Variants in AFAP1 observed in about 807,000 individuals in gnomAD.
AFAP1 encodes actin filament-associated protein 1.
AFAP1 carries 75 observed loss-of-function variants against 93.9 expected under a neutral mutation model. That is an observed-to-expected ratio of 0.80 (90% confidence interval 0.66 to 0.97). The LOEUF is 0.97. Ranked by LOEUF, AFAP1 falls within the 50% of genes least tolerant of loss-of-function variation. The pLI is 0.00. For missense variants in AFAP1, 1,201 were observed against 1,050.8 expected, an observed-to-expected ratio of 1.14 and a Z score of -1.98; for synonymous variants, 517 against 430.7, an observed-to-expected ratio of 1.20 and a Z score of -2.48.
chr4:7,875,205 T>C (rs1390695850), intron 1 of AFAP1, among the ~76,000 whole-genome samples: 1 of 152,212 alleles, frequency 6.6e-6, no homozygotes, highest in Non-Finnish European at 1.5e-5. Flanking sequence ...AATCTACTAT[T>C]CTGTAAGTCT....
chr4:7,798,322 G>A (rs1176440925), intron 10 of AFAP1, among the ~76,000 whole-genome samples: 1 of 130,428 alleles, frequency 7.7e-6, no homozygotes, highest in Non-Finnish European at 1.6e-5. Context: ...CTGGCTCACG[G>A]CATTGCAACT....
At chr4:7,904,818 C>A (rs1176847147) in intron 1 of AFAP1, among the ~76,000 whole-genome samples, 1 of 152,158 alleles carries the variant, frequency 6.6e-6, no homozygotes, top group Non-Finnish European at 1.5e-5. Context: ...GAGATTCTCG[C>A]ACCTCAGCCT....
At chr4:7,801,935 A>C (rs1027736003) in intron 9 of AFAP1, among the ~76,000 whole-genome samples, 5 of 151,136 alleles carry the variant, frequency 3.3e-5, no homozygotes, top group South Asian at 2.1e-4. Flanking sequence ...AAAAAAAAAA[A>C]AAAAAAACTA....
At chr4:7,812,323 G>A (rs981422468) in intron 8 of AFAP1, among the ~76,000 whole-genome samples, 10 of 151,984 alleles carry the variant, frequency 6.6e-5, no homozygotes, top group Non-Finnish European at 1.3e-4. Flanking sequence ...AGCTCATCGC[G>A]GTGAGCTGGG....
In AFAP1 at chr4:7,763,382, C is replaced by G. The variant is rs1455802583; in HGVS notation, c.*383G>C. 1.4e-5 allele frequency: 3 copies of G among 214,410 alleles called. No individual in the cohort carries two copies. Among genetic ancestry groups the G allele is most frequent in the Non-Finnish European group, 1.8e-5 (2 of 108,130 alleles). The allele number at this position is 214,410 out of a possible 1,614,324, so 13.3% of individuals were successfully genotyped here. On this transcript the variant is annotated 3_prime_UTR_variant, in exon 18 of 18. Coordinates refer to ENST00000420658, the MANE Select transcript of AFAP1 (RefSeq NM_001134647.2). The stretch of plus-strand genomic sequence containing the variant: ...GCCGGGGATCCAAGCTCTTCCCTGT[C>G]GAATCCAGGTTTTCATCTGGGGGCT...
chr4:7,910,055 G>T (rs1719640732), intron 1 of AFAP1, among the ~76,000 whole-genome samples: 2 of 152,238 alleles, frequency 1.3e-5, no homozygotes, highest in African/African-American at 2.4e-5. Flanking sequence ...AAATACCCTG[G>T]TATAGGCTGC....
chr4:7,818,827 A>G (rs1720706859), intron 7 of AFAP1, among the ~76,000 whole-genome samples: 1 of 152,250 alleles, frequency 6.6e-6, no homozygotes, highest in Non-Finnish European at 1.5e-5. Context: ...GACCTTGAAC[A>G]AGGCCCTCAC....
chr4:7,826,876 A>G (rs570535839), intron 6 of AFAP1, among the ~76,000 whole-genome samples: 2 of 152,300 alleles, frequency 1.3e-5, no homozygotes, highest in African/African-American at 4.8e-5. Context: ...AAACGCATGG[A>G]ATGTCATGGA....
intron 2 of AFAP1, among the ~76,000 whole-genome samples, chr4:7,869,047 AGAG>A (rs1716764796): frequency 6.6e-6 from 1 of 151,702 alleles, no homozygotes; most frequent in Non-Finnish European, 1.5e-5. Flanking sequence ...AGAAAAGAAA[AGAG>A]AAAGAGAAAG....
At chr4:7,818,763 C>T (rs927644043) in intron 7 of AFAP1, among the ~76,000 whole-genome samples, 3 of 152,180 alleles carry the variant, frequency 2.0e-5, no homozygotes, top group Non-Finnish European at 2.9e-5. Flanking sequence ...TGCTGTATTC[C>T]GGAAGTAGAC....
At chr4:7,897,989 T>A (rs1718887542) in intron 1 of AFAP1, among the ~76,000 whole-genome samples, 2 of 152,176 alleles carry the variant, frequency 1.3e-5, no homozygotes, top group South Asian at 4.1e-4. Context: ...ATCCTTGACA[T>A]CATCCTTAAT....
chr4:7,864,019 A>ACACCTT (rs1293881009), intron 3 of AFAP1, among the ~76,000 whole-genome samples: 68 of 152,024 alleles, frequency 4.5e-4, no homozygotes, highest in Non-Finnish European at 5.6e-4. Context: ...TCCCATCACA[A>ACACCTT]CCCATTCCCA....
chr4:7,821,445 AG>A (rs1720965295), intron 6 of AFAP1, among the ~76,000 whole-genome samples: 3 of 152,268 alleles, frequency 2.0e-5, no homozygotes, highest in Admixed American at 1.3e-4. Flanking sequence ...TCCGTGCACG[AG>A]GGCTTTCCCA....
At chr4:7,822,835 C>T (rs368237685) in intron 6 of AFAP1, among the ~76,000 whole-genome samples, 14 of 151,222 alleles carry the variant, frequency 9.3e-5, no homozygotes, top group South Asian at 2.1e-4. Flanking sequence ...CCTTGTGATC[C>T]GCCCGCATCG....
chr4:7,935,956 T>C (rs1018402721), intron 1 of AFAP1, among the ~76,000 whole-genome samples: 1 of 152,180 alleles, frequency 6.6e-6, no homozygotes, highest in Admixed American at 6.5e-5. Context: ...TATTAAAACA[T>C]TAATAAAATC....
Position 7,921,485 on chromosome 4 carries a change from A to G in AFAP1, c.-3+18171T>C, listed in dbSNP as rs1251204360. Among the ~76,000 whole-genome samples, 6 of 32,530 alleles carry G rather than the reference A, an allele frequency of 1.8e-4. No homozygotes were observed. The African/African-American group carries it at 2.1e-3, about 11-fold the overall frequency. 21.3% of individuals were successfully genotyped at this position (32,530 alleles called of 152,430 possible). A position where few individuals can be genotyped will look rare whatever the true frequency, so the allele number is the denominator to read the frequency against. ...CAGGCATGAGCCACCGCACCTGGCC[A>G]CTTTTTTTTTAACCTATCTATTAGA... is the stretch of plus-strand genomic sequence containing the variant. On this transcript the variant is annotated intron_variant, in intron 1 of 17. Coordinates refer to ENST00000420658, the MANE Select transcript of AFAP1 (RefSeq NM_001134647.2).
chr4:7,781,375 C>A lies in AFAP1; in HGVS notation c.1782+1G>T. On this transcript the variant is annotated splice_donor_variant, in intron 13 of 17. Transcript: ENST00000420658. LOFTEE classifies it high-confidence loss of function. ...GAATCTTACAGAAGAAGATGCCGTA[C>A]CTGCGAGTTGAGCCCGAGAGACGCC... 6.4e-7 allele frequency: 1 copy of A among 1,551,248 alleles called. No homozygotes were observed. The highest frequency in any genetic ancestry group is 1.4e-5 in the African/African-American group (1 of 73,144).
chr4:7,806,309 C>A (rs1027913065), intron 9 of AFAP1, among the ~76,000 whole-genome samples: 1 of 152,210 alleles, frequency 6.6e-6, no homozygotes, highest in Non-Finnish European at 1.5e-5. Context: ...TGGCCCAAAC[C>A]CCCCTAAACC....
Position 7,860,463 on chromosome 4 carries a change from C to T in AFAP1, c.226-4889G>A, listed in dbSNP as rs1485895221. ...CAATTTCCAGATTCAGGATGTTCAACCTGTACTGACCACTTGCCTACAAGG... is the reference window on the plus strand; with the variant it reads ...CAATTTCCAGATTCAGGATGTTCAATCTGTACTGACCACTTGCCTACAAGG... On this transcript the variant is annotated intron_variant, in intron 3 of 17. Transcript: ENST00000420658. Among the ~76,000 whole-genome samples the T allele has an allele frequency of 2.0e-5, 3 of 152,262 alleles. No individual in the cohort carries two copies. In the East Asian group the frequency reaches 5.8e-4, roughly 29 times the overall value.
Sources: gnomAD v4.1 joint callset for allele counts (sites outside exome capture counted in the v4.1 genomes callset) on GRCh38, gnomAD v4.1.1 for gene constraint, MANE v1.5 for transcripts, NCBI Gene and HGNC (gene_info 2026-07-23, HGNC 2026-07-21) for gene names.